Variants in LRGUK observed in about 807,000 individuals in gnomAD.
The protein encoded by LRGUK is leucine-rich repeat and guanylate kinase domain-containing protein.
Under a neutral mutation model 76.0 loss-of-function variants are expected in LRGUK, and 65 were observed. The observed-to-expected ratio is 0.85, with a 90% CI of 0.70 to 1.05. The LOEUF (loss-of-function observed/expected upper bound fraction) is 1.05, where lower values mean the gene tolerates loss of function less well. Among genes scored for constraint, LRGUK ranks in the 50% least tolerant of loss-of-function variants. The pLI, the probability that LRGUK is intolerant of heterozygous loss-of-function variation, is 0.00. For missense variants in LRGUK, 758 were observed against 732.8 expected (o/e 1.03, Z -0.40); for synonymous variants, 268 against 265.6 (o/e 1.01, Z -0.09).
At chr7:134,208,173 A>G (rs1801085073) in intron 15 of LRGUK, among the ~76,000 whole-genome samples, 1 of 152,096 alleles carries the variant, frequency 6.6e-6, no homozygotes, top group South Asian at 2.1e-4. Context: ...CTTCCTTCTT[A>G]CATTCATCAC....
At chr7:134,262,738 C>T (rs763828790) in intron 19 of LRGUK, among the ~76,000 whole-genome samples, 3 of 152,088 alleles carry the variant, frequency 2.0e-5, no homozygotes, top group South Asian at 2.1e-4. Context: ...GAGGCCAAGG[C>T]GGGAGGATCA....
chr7:134,170,064 A>G (rs1334575042), intron 7 of LRGUK, among the ~76,000 whole-genome samples: 1 of 151,986 alleles, frequency 6.6e-6, no homozygotes, highest in Non-Finnish European at 1.5e-5. Context: ...GAAAAACAGT[A>G]TTTTGCATTA....
At chr7:134,216,732 A>G (rs1801445016) in intron 15 of LRGUK, among the ~76,000 whole-genome samples, 1 of 152,176 alleles carries the variant, frequency 6.6e-6, no homozygotes, top group African/African-American at 2.4e-5. Context: ...CTCAATTGAG[A>G]CAAAGACCAG....
chr7:134,230,989 G>C (rs1459020224), intron 16 of LRGUK, among the ~76,000 whole-genome samples: 1 of 152,164 alleles, frequency 6.6e-6, no homozygotes, highest in Non-Finnish European at 1.5e-5. Context: ...TATTTGTTCT[G>C]TTCATTAGCT....
intron 5 of LRGUK, among the ~76,000 whole-genome samples, chr7:134,152,155 G>C (rs28411834): frequency 0.13 from 19,700 of 151,974 alleles, 1,614 homozygotes; most frequent in East Asian, 0.33. Flanking sequence ...TTGCTATAAA[G>C]TACTATAAAT....
At chr7:134,245,377 C>T (rs1475539172) in intron 16 of LRGUK, among the ~76,000 whole-genome samples, 1 of 152,136 alleles carries the variant, frequency 6.6e-6, no homozygotes, top group Non-Finnish European at 1.5e-5. Context: ...GTCTTTCAGT[C>T]ACCATGCTGC....
At chr7:134,242,328 AG>A (rs1802180072) in intron 16 of LRGUK, among the ~76,000 whole-genome samples, 1 of 152,188 alleles carries the variant, frequency 6.6e-6, no homozygotes, top group Admixed American at 6.5e-5. Context: ...AGAAGAAAAG[AG>A]AGAAGAATCA....
At chr7:134,261,066 G>T (rs1802712565) in intron 19 of LRGUK, among the ~76,000 whole-genome samples, 1 of 152,232 alleles carries the variant, frequency 6.6e-6, no homozygotes, top group African/African-American at 2.4e-5. Context: ...ATATTTGACT[G>T]GTTCCAGAGT....
chr7:134,230,954 G>A (rs924277298), intron 16 of LRGUK, among the ~76,000 whole-genome samples: 3 of 152,114 alleles, frequency 2.0e-5, no homozygotes, highest in African/African-American at 7.2e-5. Flanking sequence ...TGAGGTTTAC[G>A]AGGCCACCTG....
intron 12 of LRGUK, among the ~76,000 whole-genome samples, chr7:134,195,241 A>G (rs967989317): frequency 2.2e-4 from 33 of 152,212 alleles, no homozygotes; most frequent in Non-Finnish European, 1.9e-4. Context: ...TGTAGCCTCC[A>G]GCTGCATGAC....
chr7:134,147,783 C>T (rs545804022), intron 4 of LRGUK, among the ~76,000 whole-genome samples: 11 of 152,132 alleles, frequency 7.2e-5, no homozygotes, highest in South Asian at 2.1e-4. Flanking sequence ...ATTAAATGAT[C>T]GGGTGTGGTG....
At chr7:134,154,305 C>T (rs188580086) in intron 5 of LRGUK, among the ~76,000 whole-genome samples, 432 of 152,196 alleles carry the variant, frequency 2.8e-3, no homozygotes, top group Middle Eastern at 0.01. Context: ...CAGGAAGTCC[C>T]GAGACCTGTG....
intron 5 of LRGUK, among the ~76,000 whole-genome samples, chr7:134,150,254 T>C (rs1403224287): frequency 6.8e-6 from 1 of 147,736 alleles, no homozygotes; most frequent in Non-Finnish European, 1.5e-5. Flanking sequence ...CAGCCTGGGC[T>C]ACAGAGCCCG....
chr7:134,135,845 AC>A (rs1390744605), intron 1 of LRGUK, among the ~76,000 whole-genome samples: 1 of 152,054 alleles, frequency 6.6e-6, no homozygotes, highest in Non-Finnish European at 1.5e-5. Context: ...TTTAGTAGAG[AC>A]GGGGTTTCAC....
chr7:134,229,095 G>A (rs567324264), intron 16 of LRGUK, among the ~76,000 whole-genome samples: 7 of 152,146 alleles, frequency 4.6e-5, no homozygotes, highest in Admixed American at 1.3e-4. Context: ...ATATTTTCAG[G>A]CCAAGTGTGG....
intron 14 of LRGUK, 149 bp from the exon 15 acceptor site, chr7:134,201,332 G>T (rs1348384645): frequency 5.0e-6 from 3 of 597,100 alleles, no homozygotes; most frequent in African/African-American, 1.9e-5. Flanking sequence ...TTATACAAAG[G>T]TGATGTGTCC....
chr7:134,173,223 T>C (rs990727816), intron 7 of LRGUK, among the ~76,000 whole-genome samples: 1 of 152,194 alleles, frequency 6.6e-6, no homozygotes. Flanking sequence ...TGTGTTCAGG[T>C]TGTAGATTGC....
rs547961153 is a variant in LRGUK, at chr7:134,189,063, G to T, written c.1335-2592G>T. Among the ~76,000 whole-genome samples, 6 of 152,204 alleles carry T rather than the reference G, an allele frequency of 3.9e-5. No homozygotes were observed. In the East Asian group the frequency reaches 1.2e-3, roughly 29 times the overall value. On this transcript the variant is annotated intron_variant, in intron 11 of 15. Coordinates refer to ENST00000645682, the Ensembl canonical transcript of LRGUK. ...CATCTCCTTTCTGTGAACTTGGTTT[G>T]GTAGTAGCTTCAGTGACACCTGGCC...
intron 1 of LRGUK, among the ~76,000 whole-genome samples, chr7:134,132,519 G>A (rs959307300): frequency 6.6e-6 from 1 of 152,158 alleles, no homozygotes; most frequent in Non-Finnish European, 1.5e-5. Context: ...AAGTGAAGTT[G>A]AAGAGTAGTT....
Sources: allele counts gnomAD v4.1 joint callset (sites outside exome capture counted in the v4.1 genomes callset), GRCh38; gene constraint gnomAD v4.1.1; transcripts MANE v1.5; gene names NCBI Gene and HGNC (gene_info 2026-07-23, HGNC 2026-07-21).